ITPKB: variants seen among roughly 807,000 people sequenced by gnomAD.
The protein encoded by ITPKB is inositol-trisphosphate 3-kinase B.
Under a neutral mutation model 69.4 loss-of-function variants are expected in ITPKB, and 13 were observed. The observed-to-expected ratio is 0.19, with a 90% confidence interval of 0.12 to 0.30. The LOEUF is 0.30. Ranked by LOEUF, ITPKB falls within the 10% of genes least tolerant of loss-of-function variation. The pLI is 1.00. For missense variants in ITPKB, 1,240 were observed against 1,250.5 expected (o/e 0.99, Z 0.13); for synonymous variants, 584 against 513.7 (o/e 1.14, Z -1.85).
chr1:226,672,559 A>T (rs1374372924), intron 2 of ITPKB, among the ~76,000 whole-genome samples: 1 of 152,288 alleles, frequency 6.6e-6, no homozygotes, highest in South Asian at 2.1e-4. Context: ...CTTGGCTCAG[A>T]TATTAGGTCG....
At chr1:226,690,135 T>C (rs1342914449) in intron 2 of ITPKB, among the ~76,000 whole-genome samples, 3 of 152,180 alleles carry the variant, frequency 2.0e-5, no homozygotes, top group Non-Finnish European at 4.4e-5. Flanking sequence ...ATATACCCAG[T>C]AGTGAGATTG....
chr1:226,713,730 C>T (rs74141818), intron 2 of ITPKB, among the ~76,000 whole-genome samples: 2 of 152,332 alleles, frequency 1.3e-5, no homozygotes, highest in African/African-American at 4.8e-5. Context: ...TGACACTTGG[C>T]TCAGGCTTTA....
intron 2 of ITPKB, among the ~76,000 whole-genome samples, chr1:226,719,719 T>C (rs923681633): frequency 1.3e-5 from 2 of 152,194 alleles, no homozygotes; most frequent in African/African-American, 4.8e-5. Flanking sequence ...CCAGGCTGCC[T>C]GGGTGCTTCA....
At chr1:226,681,373 A>G (rs1656090101) in intron 2 of ITPKB, among the ~76,000 whole-genome samples, 1 of 152,196 alleles carries the variant, frequency 6.6e-6, no homozygotes, top group Non-Finnish European at 1.5e-5. Context: ...CAGGGAAAGC[A>G]ATTAATATGT....
At chr1:226,728,341 C>A (rs1657484274) in intron 2 of ITPKB, among the ~76,000 whole-genome samples, 1 of 152,170 alleles carries the variant, frequency 6.6e-6, no homozygotes, top group African/African-American at 2.4e-5. Context: ...TAAAGCTCAA[C>A]AGAGGAGAAA....
At chr1:226,676,851 T>C (rs1023025645) in intron 2 of ITPKB, among the ~76,000 whole-genome samples, 6 of 152,224 alleles carry the variant, frequency 3.9e-5, no homozygotes, top group East Asian at 3.8e-4. Context: ...TTTTGGATAA[T>C]AGGAAAACTG....
intron 2 of ITPKB, among the ~76,000 whole-genome samples, chr1:226,693,930 A>C (rs956437022): frequency 6.6e-6 from 1 of 152,252 alleles, no homozygotes; most frequent in Non-Finnish European, 1.5e-5. Flanking sequence ...GATAGCTCTG[A>C]AAGAACTCAA....
chr1:226,639,810 G>A (rs188989882), intron 5 of ITPKB, 152 bp from the exon 6 acceptor site: 23 of 655,094 alleles, frequency 3.5e-5, no homozygotes, highest in Admixed American at 1.3e-4. Context: ...TATGGCGCAT[G>A]GAGGTGGCGT....
chr1:226,684,654 T>C lies in ITPKB; in HGVS notation c.1933-35883A>G, dbSNP rs576398846. Reference sequence around the variant, plus strand: ...CTCTGGGAAAGGTCAGCTACCGAAATGCAGATGATTGCATGCAAAGATCTC... The same window carrying C: ...CTCTGGGAAAGGTCAGCTACCGAAACGCAGATGATTGCATGCAAAGATCTC... On this transcript the variant is annotated intron_variant, in intron 2 of 7. Coordinates refer to ENST00000429204, the MANE Select transcript of ITPKB (RefSeq NM_002221.4). Among the ~76,000 whole-genome samples, 4 of 152,310 alleles carry C rather than the reference T, an allele frequency of 2.6e-5. No homozygotes were observed. The South Asian group carries it at 6.2e-4, about 24-fold the overall frequency.
At chr1:226,646,273 C>G (rs770329852) in intron 4 of ITPKB, among the ~76,000 whole-genome samples, 3 of 152,208 alleles carry the variant, frequency 2.0e-5, no homozygotes, top group Non-Finnish European at 4.4e-5. Context: ...ACCATGGGGG[C>G]CGACAGCCTT....
intron 2 of ITPKB, among the ~76,000 whole-genome samples, chr1:226,684,811 C>T (rs529971511): frequency 2.9e-4 from 44 of 152,260 alleles, no homozygotes; most frequent in African/African-American, 9.9e-4. Context: ...GCCCCAAAGA[C>T]GTCCCTAGAG....
rs1410178681 is a variant in ITPKB, at chr1:226,737,326, C to T, written c.133G>A (p.Gly45Ser). 1 of 1,594,980 alleles carries T rather than the reference C, an allele frequency of 6.3e-7. No homozygotes were observed. The highest frequency in any genetic ancestry group is 1.3e-5 in the African/African-American group (1 of 74,540). The change falls in exon 2 of 8, where the codon GGC (glycine) becomes AGC (serine). Residue 45 changes from glycine to serine, a missense_variant. Physicochemically the swap from Gly to Ser is moderately conservative, Grantham distance 56. This residue lies in a region of ITPKB where 992 missense variants were observed against 853.8 expected (regional missense o/e 1.16). Transcript: ENST00000429204. ...CCTCTCCCGGGGCTGAAAACGCTGC[C>T]GGGGCTCAGCACTGCCCTCCTCGGG... ...PPPRRAVLSP[G>S]SVFSPGRGAS...
chr1:226,709,426 A>G (rs949553379), intron 2 of ITPKB, among the ~76,000 whole-genome samples: 23 of 152,156 alleles, frequency 1.5e-4, no homozygotes, highest in Admixed American at 1.4e-3. Flanking sequence ...CGATGGGTCT[A>G]GGAATGTCTG....
intron 2 of ITPKB, among the ~76,000 whole-genome samples, chr1:226,653,303 C>T (rs565448025): frequency 1.3e-5 from 2 of 152,312 alleles, no homozygotes; most frequent in East Asian, 1.9e-4. Flanking sequence ...GGCCCACCTC[C>T]GAGTGCCCCT....
intron 2 of ITPKB, among the ~76,000 whole-genome samples, chr1:226,711,686 C>T (rs912620467): frequency 1.3e-5 from 2 of 152,142 alleles, no homozygotes; most frequent in Non-Finnish European, 2.9e-5. Flanking sequence ...CTGGCGATGA[C>T]GAGTGCTGAA....
At chr1:226,639,474 C>T in intron 6 of ITPKB, 83 bp downstream of exon 6, 1 of 940,796 alleles carries the variant, frequency 1.1e-6, no homozygotes, top group Non-Finnish European at 1.8e-6. Context: ...GTGCCTTGTC[C>T]TCCCCATGGG....
At position 226,637,768 on chromosome 1, in the gene ITPKB, AC is replaced by A; in HGVS notation, c.2554-19del. 2 of 1,604,768 alleles carry A rather than the reference AC, an allele frequency of 1.2e-6. No homozygotes were observed. Among genetic ancestry groups the A allele is most frequent in the Non-Finnish European group, 1.7e-6 (2 of 1,172,052 alleles). ...TAGGCGATCTGGGAATAGAAAGAGG[AC>A]CAGATTTTTAAGCGCCGCGTGGGGA... On this transcript the variant is annotated intron_variant, in intron 6 of 7. Transcript: ENST00000429204. The surrounding 1 kb of genome is among the most constrained non-coding windows in gnomAD (Gnocchi z 4.3).
rs1470383146 is a variant in ITPKB, at chr1:226,648,736, G to A, written c.1968C>T (p.His656=). ...TGAAGGACATGACGAAGGGAGACCA[G>A]TGCACCATGTTTTTTATCTTCCTCC... ...KSWRKIKNMV[H]WSPFVMSFKK... Residue 656 remains histidine, a synonymous_variant, in exon 3 of 8, where the codon CAC becomes CAT. Transcript: ENST00000429204. 1 of 1,612,688 alleles carries A rather than the reference G, an allele frequency of 6.2e-7. No homozygotes were observed. Among genetic ancestry groups the A allele is most frequent in the Non-Finnish European group, 8.5e-7 (1 of 1,178,710 alleles).
intron 2 of ITPKB, among the ~76,000 whole-genome samples, chr1:226,704,793 C>G (rs1031325503): frequency 4.6e-5 from 7 of 152,208 alleles, no homozygotes; most frequent in African/African-American, 1.4e-4. Flanking sequence ...CATGAGAAAA[C>G]CTGTGACTAC....
Sources: allele counts gnomAD v4.1 joint callset (sites outside exome capture counted in the v4.1 genomes callset), GRCh38; gene constraint gnomAD v4.1.1; regional missense constraint gnomAD v4.1.1; non-coding constraint Gnocchi (gnomAD v3.1); transcripts MANE v1.5; gene names NCBI Gene and HGNC (gene_info 2026-07-23, HGNC 2026-07-21).